Variants in GRAMD1B observed in about 807,000 individuals in gnomAD.
The protein encoded by GRAMD1B is GRAM domain containing 1B.
Under a neutral mutation model 99.7 loss-of-function variants are expected in GRAMD1B, and 37 were observed. The observed-to-expected ratio is 0.37, with a 90% CI of 0.29 to 0.49. The LOEUF (loss-of-function observed/expected upper bound fraction) is 0.49, where lower values mean the gene tolerates loss of function less well. Ranked by LOEUF, GRAMD1B falls within the 20% of genes least tolerant of loss-of-function variation. GRAMD1B has a pLI of 0.98. For missense variants in GRAMD1B, 888 were observed against 1,009.2 expected (o/e 0.88, Z 1.63); for synonymous variants, 427 against 387.6 (o/e 1.10, Z -1.19).
chr11:123,506,839 C>G (rs1940485164), intron 2 of GRAMD1B, among the ~76,000 whole-genome samples: 1 of 152,028 alleles, frequency 6.6e-6, no homozygotes, highest in Non-Finnish European at 1.5e-5. Flanking sequence ...ATTAAAGCCT[C>G]CTGCCCAGCC....
intron 2 of GRAMD1B, among the ~76,000 whole-genome samples, chr11:123,564,022 A>G (rs1224756399): frequency 1.3e-5 from 2 of 152,228 alleles, no homozygotes; most frequent in Non-Finnish European, 2.9e-5. Flanking sequence ...CCAGGTTTGA[A>G]TCCCAGCGGT....
At chr11:123,437,230 C>T (rs1311946162) in intron 1 of GRAMD1B, among the ~76,000 whole-genome samples, 1 of 152,168 alleles carries the variant, frequency 6.6e-6, no homozygotes, top group African/African-American at 2.4e-5. Context: ...ATGGGGCAGG[C>T]TCTTAGCATT....
intron 1 of GRAMD1B, among the ~76,000 whole-genome samples, chr11:123,387,574 C>G (rs1167513483): frequency 6.6e-6 from 1 of 152,036 alleles, no homozygotes; most frequent in Non-Finnish European, 1.5e-5. Flanking sequence ...CACCCCCAGG[C>G]TCTTCTCTGT....
At chr11:123,443,655 T>C (rs565592695) in intron 1 of GRAMD1B, among the ~76,000 whole-genome samples, 4 of 152,078 alleles carry the variant, frequency 2.6e-5, no homozygotes, top group Non-Finnish European at 5.9e-5. Context: ...ACCTCTGGGA[T>C]TCAAGAGGTT....
chr11:123,551,560 A>G (rs1945614176), intron 2 of GRAMD1B, among the ~76,000 whole-genome samples: 1 of 152,172 alleles, frequency 6.6e-6, no homozygotes, highest in Admixed American at 6.5e-5. Flanking sequence ...CATGTCCAAA[A>G]CTTGGTGGCT....
At chr11:123,469,776 T>TTCCTTCC (rs59192957) in intron 1 of GRAMD1B, among the ~76,000 whole-genome samples, 7,321 of 129,894 alleles carry the variant, frequency 0.056, 220 homozygotes, top group Middle Eastern at 0.086. Context: ...TTTCTCTTTC[T>TTCCTTCC]TTCCTTCCTT....
At chr11:123,423,241 G>GACACACAC (rs57312255) in intron 1 of GRAMD1B, among the ~76,000 whole-genome samples, 18 of 146,184 alleles carry the variant, frequency 1.2e-4, no homozygotes, top group African/African-American at 4.3e-4. Context: ...CCAACAATAA[G>GACACACAC]ACACACACAC....
chr11:123,374,817 G>A (rs1278919540), intron 1 of GRAMD1B, among the ~76,000 whole-genome samples: 1 of 152,212 alleles, frequency 6.6e-6, no homozygotes, highest in Non-Finnish European at 1.5e-5. Context: ...CTCTGGTGCT[G>A]CGTTGCCATG....
chr11:123,442,274 T>C (rs1438353797), intron 1 of GRAMD1B, among the ~76,000 whole-genome samples: 3 of 152,176 alleles, frequency 2.0e-5, no homozygotes, highest in African/African-American at 7.2e-5. Flanking sequence ...TTTCTCTATC[T>C]GCATGTTGCA....
At chr11:123,414,678 C>A (rs1279014836) in intron 1 of GRAMD1B, among the ~76,000 whole-genome samples, 1 of 152,168 alleles carries the variant, frequency 6.6e-6, no homozygotes, top group African/African-American at 2.4e-5. Context: ...TTAGCTCCCA[C>A]CCTCTACCCA....
intron 2 of GRAMD1B, among the ~76,000 whole-genome samples, chr11:123,499,378 C>T (rs904904704): frequency 1.3e-5 from 2 of 152,152 alleles, no homozygotes; most frequent in Non-Finnish European, 2.9e-5. Context: ...ATAAATTAAC[C>T]AGTCTGTGGT....
intron 1 of GRAMD1B, among the ~76,000 whole-genome samples, chr11:123,362,900 A>G (rs1946192889): frequency 1.3e-5 from 2 of 152,026 alleles, no homozygotes; most frequent in Admixed American, 6.6e-5. Flanking sequence ...TGGGAGGAGA[A>G]CCAGTCCCTG....
Position 123,614,741 on chromosome 11 carries a change from A to G in GRAMD1B, c.2228-4A>G. The G allele has an allele frequency of 6.3e-7, 1 of 1,598,328 alleles. No individual in the cohort carries two copies. The highest frequency in any genetic ancestry group is 1.1e-5 in the South Asian group (1 of 90,590). ...GGTGATGGTCTCTTTAATTCTCCCC[A>G]CAGGTTCCACACAGACGCGGCATAT... On this transcript the variant is annotated splice_polypyrimidine_tract_variant and splice_region_variant and intron_variant, in intron 16 of 19. Transcript: ENST00000635736.
rs1459176398 is a variant in GRAMD1B at position 123,624,462 on chromosome 11, G to A, written c.*1867G>A. On this transcript the variant is annotated 3_prime_UTR_variant, in exon 20 of 20. Transcript: ENST00000635736. ...TGAGGAGGCTCCAGGGCATGAGCTA[G>A]AGTGGATATTCCTCCCCTAGAAGAG... The A allele has an allele frequency of 6.6e-6, 1 of 152,220 alleles. No individual in the cohort carries two copies. Among genetic ancestry groups the A allele is most frequent in the Non-Finnish European group, 1.5e-5 (1 of 68,052 alleles). 9.4% of individuals were successfully genotyped at this position (152,220 alleles called of 1,614,324 possible). A position where few individuals can be genotyped will look rare whatever the true frequency, so the allele number is the denominator to read the frequency against.
Position 123,594,853 on chromosome 11 carries a change from A to T in GRAMD1B, c.873+15A>T. 2 of 1,388,102 alleles carry T rather than the reference A, an allele frequency of 1.4e-6. No homozygotes were observed. Among genetic ancestry groups the T allele is most frequent in the South Asian group, 2.3e-5 (2 of 86,632 alleles). The allele number at this position is 1,388,102 out of a possible 1,614,324, so 86.0% of individuals were successfully genotyped here. On this transcript the variant is annotated intron_variant, in intron 6 of 19. Coordinates refer to ENST00000635736, the MANE Select transcript of GRAMD1B (RefSeq NM_001387025.1). ...GGGAAACTCTGGTAAAGACCTGGGCATGCTCCCTTGGGCTGTCTCCTTGGC... is the reference window on the plus strand; with the variant it reads ...GGGAAACTCTGGTAAAGACCTGGGCTTGCTCCCTTGGGCTGTCTCCTTGGC...
intron 1 of GRAMD1B, among the ~76,000 whole-genome samples, chr11:123,472,801 G>T (rs1032178247): frequency 1.3e-5 from 2 of 152,180 alleles, no homozygotes; most frequent in Non-Finnish European, 2.9e-5. Context: ...GCACCATGTT[G>T]TCTGCTCCTT....
At chr11:123,440,466 G>A (rs947222181) in intron 1 of GRAMD1B, among the ~76,000 whole-genome samples, 2 of 152,014 alleles carry the variant, frequency 1.3e-5, no homozygotes, top group Non-Finnish European at 2.9e-5. Flanking sequence ...CCAAGATAGC[G>A]CCACTGCACT....
At chr11:123,501,692 A>T (rs1222687211) in intron 2 of GRAMD1B, among the ~76,000 whole-genome samples, 1 of 152,226 alleles carries the variant, frequency 6.6e-6, no homozygotes, top group Non-Finnish European at 1.5e-5. Context: ...CAAGAAAAAC[A>T]ATTGACCAAG....
intron 1 of GRAMD1B, among the ~76,000 whole-genome samples, chr11:123,364,253 G>A (rs758675896): frequency 6.0e-4 from 92 of 152,324 alleles, no homozygotes; most frequent in Non-Finnish European, 9.7e-4. Flanking sequence ...GGAAAGGAGC[G>A]CTTCTTCCTA....
Sources: allele counts gnomAD v4.1 joint callset (sites outside exome capture counted in the v4.1 genomes callset), GRCh38; gene constraint gnomAD v4.1.1; transcripts MANE v1.5; gene names NCBI Gene and HGNC (gene_info 2026-07-23, HGNC 2026-07-21).